ATL1: variants seen among roughly 807,000 people sequenced by gnomAD.
ATL1 encodes atlastin-1.
ATL1 carries 31 observed loss-of-function variants against 75.5 expected under a neutral mutation model. The observed-to-expected ratio is 0.41, with a 90% CI of 0.31 to 0.55. ATL1 has a LOEUF of 0.55. Ranked by LOEUF, ATL1 falls within the 20% of genes least tolerant of loss-of-function variation. The pLI, the probability that ATL1 is intolerant of heterozygous loss-of-function variation, is 0.27. For missense variants in ATL1, 405 were observed against 662.6 expected (o/e 0.61, Z 4.27); for synonymous variants, 226 against 233.3 (o/e 0.97, Z 0.28).
At chr14:50,582,543 G>T (rs2039066025) in intron 1 of ATL1, among the ~76,000 whole-genome samples, 1 of 149,796 alleles carries the variant, frequency 6.7e-6, no homozygotes, top group Non-Finnish European at 1.5e-5. Flanking sequence ...TCAAGTAGTT[G>T]GGACTACAGG....
At chr14:50,625,039 C>T (rs1388729549) in intron 11 of ATL1, among the ~76,000 whole-genome samples, 1 of 151,634 alleles carries the variant, frequency 6.6e-6, no homozygotes, top group Non-Finnish European at 1.5e-5. Flanking sequence ...CACTGCACTG[C>T]ACTCCAGCCT....
intron 1 of ATL1, among the ~76,000 whole-genome samples, chr14:50,548,947 A>G (rs1163224981): frequency 6.6e-6 from 1 of 152,176 alleles, no homozygotes; most frequent in Non-Finnish European, 1.5e-5. Flanking sequence ...TGCCTACCCC[A>G]TAAAAGGTGG....
intron 6 of ATL1, among the ~76,000 whole-genome samples, chr14:50,595,922 T>C (rs2039211989): frequency 6.6e-6 from 1 of 152,028 alleles, no homozygotes; most frequent in African/African-American, 2.4e-5. Flanking sequence ...ACTCTCAAAG[T>C]GCTGGGATTA....
intron 1 of ATL1, among the ~76,000 whole-genome samples, chr14:50,567,004 A>G (rs558767377): frequency 6.6e-6 from 1 of 152,300 alleles, no homozygotes; most frequent in African/African-American, 2.4e-5. Flanking sequence ...AACCATTTTT[A>G]AATGTACAGT....
intron 9 of ATL1, 55 bp downstream of exon 9, chr14:50,620,781 G>A (rs867331143): frequency 6.3e-6 from 10 of 1,596,234 alleles, no homozygotes; most frequent in South Asian, 4.4e-5. Context: ...ATATTGGATC[G>A]TAATTCCTAT....
At chr14:50,584,869 GC>G (rs1306609234) in intron 1 of ATL1, among the ~76,000 whole-genome samples, 1 of 151,856 alleles carries the variant, frequency 6.6e-6, no homozygotes, top group African/African-American at 2.4e-5. Flanking sequence ...AATTAAGAAT[GC>G]CTTTTCATCA....
chr14:50,561,329 A>G (rs929263425), intron 1 of ATL1, among the ~76,000 whole-genome samples: 1 of 152,242 alleles, frequency 6.6e-6, no homozygotes, highest in African/African-American at 2.4e-5. Context: ...CCTCTAAGGC[A>G]TTTATTTTAT....
chr14:50,630,362 A>G (rs529642439), intron 13 of ATL1, among the ~76,000 whole-genome samples: 78 of 152,346 alleles, frequency 5.1e-4, no homozygotes, highest in African/African-American at 1.9e-3. Context: ...AAATGTAACT[A>G]CTGGAGGGTA....
intron 8 of ATL1, among the ~76,000 whole-genome samples, chr14:50,617,423 G>A (rs1207532137): frequency 1.3e-5 from 2 of 152,128 alleles, no homozygotes; most frequent in East Asian, 3.8e-4. Context: ...TGTAGAATGA[G>A]CAGGTAGCCA....
At chr14:50,605,325 G>C (rs906767324) in intron 6 of ATL1, among the ~76,000 whole-genome samples, 3 of 151,784 alleles carry the variant, frequency 2.0e-5, no homozygotes, top group Non-Finnish European at 4.4e-5. Flanking sequence ...TTTTGGTCTT[G>C]TTTTTATCTG....
In ATL1 at chr14:50,593,744, C is replaced by T. The variant is rs2039185875; in HGVS notation, c.523-102C>T. On this transcript the variant is annotated intron_variant, in intron 4 of 13. Coordinates refer to ENST00000358385, the MANE Select transcript of ATL1 (RefSeq NM_015915.5). ...CATGTAAGCATGTACATAAGAGAGT[C>T]CATTTTGTGGTAACTGATATTTTTA... 5 of 750,626 alleles carry T rather than the reference C, an allele frequency of 6.7e-6. No individual in the cohort carries two copies. The Admixed American group carries it at 9.7e-5, about 15-fold the overall frequency. 46.5% of individuals were successfully genotyped at this position (750,626 alleles called of 1,614,324 possible).
chr14:50,618,879 A>G (rs5808562), intron 8 of ATL1, among the ~76,000 whole-genome samples: 2,125 of 76,806 alleles, frequency 0.028, 25 homozygotes, highest in East Asian at 0.065. Flanking sequence ...GTGTGTGTGT[A>G]TATATATATA....
intron 6 of ATL1, among the ~76,000 whole-genome samples, chr14:50,596,575 T>C (rs969323691): frequency 2.6e-5 from 4 of 152,186 alleles, no homozygotes; most frequent in African/African-American, 9.6e-5. Flanking sequence ...TTACCACATA[T>C]TAAGCCACAA....
chr14:50,537,098 G>GA (rs2038503030), intron 1 of ATL1, among the ~76,000 whole-genome samples: 1 of 152,218 alleles, frequency 6.6e-6, no homozygotes, highest in South Asian at 2.1e-4. Context: ...GGAGACCTAG[G>GA]AGGAAAAAGT....
intron 6 of ATL1, among the ~76,000 whole-genome samples, chr14:50,603,588 C>T (rs777787139): frequency 2.0e-5 from 3 of 152,140 alleles, no homozygotes; most frequent in Non-Finnish European, 4.4e-5. Context: ...TTATTTTACT[C>T]TAGTTTGCTT....
intron 6 of ATL1, among the ~76,000 whole-genome samples, chr14:50,597,939 T>G (rs1397817190): frequency 1.3e-5 from 2 of 151,986 alleles, no homozygotes; most frequent in Non-Finnish European, 2.9e-5. Flanking sequence ...TCATGATCCA[T>G]CCGTCTCGGC....
At chr14:50,553,678 A>G (rs1466015439) in intron 1 of ATL1, among the ~76,000 whole-genome samples, 6 of 152,228 alleles carry the variant, frequency 3.9e-5, no homozygotes, top group Admixed American at 3.9e-4. Flanking sequence ...ACAATTCACA[A>G]TTACAAAGAT....
At chr14:50,596,797 C>T (rs1047612429) in intron 6 of ATL1, among the ~76,000 whole-genome samples, 1 of 151,934 alleles carries the variant, frequency 6.6e-6, no homozygotes, top group African/African-American at 2.4e-5. Flanking sequence ...AAAGAAAACA[C>T]ACATATTGAA....
At chr14:50,631,802 T>C (rs2039583895) in intron 13 of ATL1, among the ~76,000 whole-genome samples, 1 of 152,166 alleles carries the variant, frequency 6.6e-6, no homozygotes, top group Admixed American at 6.5e-5. Context: ...GAGAATAAAA[T>C]TGGCCCCACT....
Sources: gnomAD v4.1 joint callset for allele counts (sites outside exome capture counted in the v4.1 genomes callset) on GRCh38, gnomAD v4.1.1 for gene constraint, MANE v1.5 for transcripts, NCBI Gene and HGNC (gene_info 2026-07-23, HGNC 2026-07-21) for gene names.